Variants in PRKCE observed in about 807,000 individuals in gnomAD.
PRKCE encodes protein kinase C epsilon.
In PRKCE, 16 loss-of-function variants were observed where a neutral mutation model predicts 85.4. The observed-to-expected ratio is 0.19, with a 90% CI of 0.13 to 0.28. PRKCE has a LOEUF of 0.28. Ranked by LOEUF, PRKCE falls within the 10% of genes least tolerant of loss-of-function variation. The pLI is 1.00. For synonymous variants in PRKCE, 388 were observed against 371.5 expected, an observed-to-expected ratio of 1.04 and a Z score of -0.51; for missense variants, 573 against 975.2, an observed-to-expected ratio of 0.59 and a Z score of 5.49.
At chr2:46,142,066 C>T (rs909433063) in intron 11 of PRKCE, among the ~76,000 whole-genome samples, 16 of 152,164 alleles carry the variant, frequency 1.1e-4, no homozygotes, top group African/African-American at 3.6e-4. Flanking sequence ...AGTGGAAATT[C>T]AGAGGTCCTG....
At chr2:45,896,753 A>C (rs1219782221) in intron 2 of PRKCE, among the ~76,000 whole-genome samples, 1 of 152,188 alleles carries the variant, frequency 6.6e-6, no homozygotes, top group Non-Finnish European at 1.5e-5. Context: ...TTAGGTGCGC[A>C]GTAGAGCTTC....
At chr2:46,047,285 C>T (rs978714315) in intron 10 of PRKCE, among the ~76,000 whole-genome samples, 1 of 152,160 alleles carries the variant, frequency 6.6e-6, no homozygotes, top group Non-Finnish European at 1.5e-5. Context: ...ATCTCATCTC[C>T]AGTTGGCCAA....
At chr2:45,743,992 G>GT (rs753249039) in intron 1 of PRKCE, among the ~76,000 whole-genome samples, 972 of 70,352 alleles carry the variant, frequency 0.014, 12 homozygotes, top group African/African-American at 0.029. Flanking sequence ...TGGCCGTTGT[G>GT]TGTTTTTTTT....
At chr2:46,110,134 A>G (rs998575971) in intron 11 of PRKCE, among the ~76,000 whole-genome samples, 1 of 152,094 alleles carries the variant, frequency 6.6e-6, no homozygotes, top group Non-Finnish European at 1.5e-5. Context: ...CATGAGAGAT[A>G]TTGGTCAGTT....
chr2:45,756,453 G>A (rs1207323983), intron 1 of PRKCE, among the ~76,000 whole-genome samples: 3 of 152,136 alleles, frequency 2.0e-5, no homozygotes, highest in Admixed American at 1.3e-4. Flanking sequence ...AAAGTTAAAC[G>A]TAAACCTACC....
At chr2:45,735,466 T>C (rs1315930498) in intron 1 of PRKCE, among the ~76,000 whole-genome samples, 5 of 152,258 alleles carry the variant, frequency 3.3e-5, no homozygotes, top group South Asian at 4.1e-4. Flanking sequence ...TTGGTCACCA[T>C]AGGCAAGTCA....
intron 9 of PRKCE, 122 bp from the exon 10 acceptor site, chr2:46,010,222 G>A (rs1181819302): frequency 8.7e-7 from 1 of 1,149,636 alleles, no homozygotes; most frequent in Non-Finnish European, 1.2e-6. Context: ...CACCAGGCTT[G>A]TTATAATATT....
chr2:45,892,097 G>A (rs964755389), intron 2 of PRKCE, among the ~76,000 whole-genome samples: 9 of 152,180 alleles, frequency 5.9e-5, no homozygotes, highest in Non-Finnish European at 8.8e-5. Context: ...GTCCCCAAAT[G>A]CCCTGTACCT....
At chr2:46,032,067 A>T (rs1433239220) in intron 10 of PRKCE, among the ~76,000 whole-genome samples, 1 of 152,220 alleles carries the variant, frequency 6.6e-6, no homozygotes, top group Non-Finnish European at 1.5e-5. Flanking sequence ...TGGAAATAAT[A>T]CTTCCCTTAG....
At chr2:45,971,109 C>T (rs951185000) in intron 2 of PRKCE, among the ~76,000 whole-genome samples, 38 of 152,086 alleles carry the variant, frequency 2.5e-4, no homozygotes, top group African/African-American at 9.2e-4. Flanking sequence ...CATGATAGAT[C>T]TCTAGGACTT....
In PRKCE at chr2:46,130,170, T is replaced by C. The variant is rs557188919; in HGVS notation, c.1593-14923T>C. ...TTATTAGCATAAACCATTGGGTTGG[T>C]AAAAATAATTACAAAATTGGAAAGA... On this transcript the variant is annotated intron_variant, in intron 11 of 14. Transcript: ENST00000306156. 1.4e-4 allele frequency among the ~76,000 whole-genome samples: 21 copies of C among 152,264 alleles called. No homozygotes were observed. In the South Asian group the frequency reaches 3.9e-3, roughly 29 times the overall value.
chr2:45,728,279 C>G (rs570281818), intron 1 of PRKCE, among the ~76,000 whole-genome samples: 1 of 152,298 alleles, frequency 6.6e-6, no homozygotes, highest in Admixed American at 6.5e-5. Context: ...ATTTCTCCCT[C>G]TTGATTTTAA....
chr2:45,991,409 A>G (rs926584283), intron 6 of PRKCE, among the ~76,000 whole-genome samples: 1 of 152,226 alleles, frequency 6.6e-6, no homozygotes, highest in African/African-American at 2.4e-5. Context: ...CATCTAGAAC[A>G]GTGCCTGCAC....
At chr2:45,669,874 G>A (rs1448165324) in intron 1 of PRKCE, among the ~76,000 whole-genome samples, 3 of 152,142 alleles carry the variant, frequency 2.0e-5, no homozygotes, top group Non-Finnish European at 4.4e-5. Flanking sequence ...AGCCAGGCAT[G>A]GAGGCAGGTG....
At chr2:46,146,563 A>G (rs1214851788) in intron 12 of PRKCE, among the ~76,000 whole-genome samples, 2 of 152,212 alleles carry the variant, frequency 1.3e-5, no homozygotes, top group Non-Finnish European at 2.9e-5. Context: ...GTTGTAAAGA[A>G]TGAGGATTTC....
intron 6 of PRKCE, among the ~76,000 whole-genome samples, chr2:45,998,011 C>G (rs566479786): frequency 1.3e-5 from 2 of 152,186 alleles, no homozygotes; most frequent in African/African-American, 4.8e-5. Flanking sequence ...TGGTCTAAAG[C>G]CAACATTGTA....
At chr2:45,775,040 G>A (rs1243310128) in intron 1 of PRKCE, among the ~76,000 whole-genome samples, 1 of 152,156 alleles carries the variant, frequency 6.6e-6, no homozygotes, top group African/African-American at 2.4e-5. Context: ...TCCTCCCCAC[G>A]GTTGAATTGG....
At chr2:46,177,265 T>TA (rs1438816721) in intron 14 of PRKCE, among the ~76,000 whole-genome samples, 3 of 152,312 alleles carry the variant, frequency 2.0e-5, no homozygotes, top group East Asian at 3.9e-4. Flanking sequence ...TTTATATACT[T>TA]AAAAAAATTT....
At chr2:45,731,617 ATTTT>A (rs11329717) in intron 1 of PRKCE, among the ~76,000 whole-genome samples, 221 of 108,580 alleles carry the variant, frequency 2.0e-3, no homozygotes, top group African/African-American at 7.1e-3. Context: ...AATTCCTGGA[ATTTT>A]TTTTTTTTTT....
Sources: gnomAD v4.1 joint callset for allele counts (sites outside exome capture counted in the v4.1 genomes callset) on GRCh38, gnomAD v4.1.1 for gene constraint, MANE v1.5 for transcripts, NCBI Gene and HGNC (gene_info 2026-07-23, HGNC 2026-07-21) for gene names.